NELL1: variants seen among roughly 807,000 people sequenced by gnomAD.
The protein encoded by NELL1 is protein kinase C-binding protein NELL1.
In NELL1, 76 loss-of-function variants were observed where a neutral mutation model predicts 107.4. That is an observed-to-expected ratio of 0.71 (90% CI 0.59 to 0.86). The LOEUF is 0.86. NELL1 is among the 40% of genes least tolerant of loss of function. The pLI is 0.00. For missense variants in NELL1, 1,024 were observed against 1,005.5 expected, an observed-to-expected ratio of 1.02 and a Z score of -0.25; for synonymous variants, 353 against 341.2, an observed-to-expected ratio of 1.03 and a Z score of -0.38.
At chr11:21,492,200 A>G (rs561049491) in intron 15 of NELL1, among the ~76,000 whole-genome samples, 42 of 152,248 alleles carry the variant, frequency 2.8e-4, no homozygotes, top group African/African-American at 8.9e-4. Context: ...GTGAGATACC[A>G]TCTCACACCA....
intron 2 of NELL1, among the ~76,000 whole-genome samples, chr11:20,723,387 A>G (rs1480220675): frequency 6.6e-6 from 1 of 152,180 alleles, no homozygotes; most frequent in Non-Finnish European, 1.5e-5. Flanking sequence ...CCCATTCCAA[A>G]TGGGAGACAT....
intron 2 of NELL1, among the ~76,000 whole-genome samples, chr11:20,693,481 G>A (rs943235065): frequency 3.3e-5 from 5 of 151,820 alleles, no homozygotes; most frequent in African/African-American, 9.7e-5. Context: ...GGGCAGGCCT[G>A]GGTTGACAAA....
At chr11:21,115,136 C>A (rs528446202) in intron 13 of NELL1, among the ~76,000 whole-genome samples, 2 of 151,904 alleles carry the variant, frequency 1.3e-5, no homozygotes, top group Non-Finnish European at 2.9e-5. Context: ...ATAGGATAGG[C>A]GCTCTGTCTG....
intron 13 of NELL1, among the ~76,000 whole-genome samples, chr11:21,157,231 T>G (rs1856263137): frequency 3.9e-5 from 6 of 151,964 alleles, no homozygotes; most frequent in Admixed American, 3.3e-4. Context: ...AACATCCCCA[T>G]GTATTTTTAA....
intron 15 of NELL1, among the ~76,000 whole-genome samples, chr11:21,434,742 A>G (rs540877740): frequency 2.0e-5 from 3 of 152,202 alleles, no homozygotes; most frequent in South Asian, 2.1e-4. Flanking sequence ...AAAGAATGTT[A>G]TTGGTATTTT....
chr11:21,170,973 C>A (rs4922775), intron 13 of NELL1, among the ~76,000 whole-genome samples: 68,087 of 151,318 alleles, frequency 0.45, 15,966 homozygotes, highest in Middle Eastern at 0.49. Flanking sequence ...ACATGGCAAG[C>A]TTTGGGCACA....
intron 9 of NELL1, among the ~76,000 whole-genome samples, chr11:20,935,326 A>G (rs945178966): frequency 2.0e-5 from 3 of 152,182 alleles, no homozygotes; most frequent in Non-Finnish European, 4.4e-5. Flanking sequence ...AGTCAGCCCT[A>G]AGCGGAAGCT....
chr11:21,424,136 TAAAGA>T (rs893826022), intron 15 of NELL1, among the ~76,000 whole-genome samples: 25 of 151,426 alleles, frequency 1.7e-4, no homozygotes, highest in Middle Eastern at 3.4e-3. Context: ...AAAAATAAAA[TAAAGA>T]ATAGAAAAGC....
At chr11:21,159,336 T>G (rs1473908114) in intron 13 of NELL1, among the ~76,000 whole-genome samples, 1 of 152,152 alleles carries the variant, frequency 6.6e-6, no homozygotes, top group South Asian at 2.1e-4. Context: ...TCATGATAAA[T>G]TTAAGCAGAA....
rs527580738 is a variant in NELL1, at chr11:21,430,043, C to T, written c.1645+59095C>T. 1.9e-3 allele frequency among the ~76,000 whole-genome samples: 284 copies of T among 152,262 alleles called. 1 individual carries two copies. The highest frequency in any genetic ancestry group is 6.8e-3 in the African/African-American group (281 of 41,546). On this transcript the variant is annotated intron_variant, in intron 15 of 19. Coordinates refer to ENST00000357134, the MANE Select transcript of NELL1 (RefSeq NM_006157.5). ...TCAGATACTTGTTATATGTTCACCT[C>T]TTTCATTCATTTCCACAGATATTAG... is the stretch of plus-strand genomic sequence containing the variant.
intron 12 of NELL1, among the ~76,000 whole-genome samples, chr11:21,069,654 A>T (rs372977220): frequency 6.6e-6 from 1 of 152,212 alleles, no homozygotes; most frequent in Non-Finnish European, 1.5e-5. Flanking sequence ...ATTTAAAATT[A>T]TGTTTAAAAT....
chr11:20,777,310 G>A (rs1564904855), intron 2 of NELL1, among the ~76,000 whole-genome samples: 1 of 152,230 alleles, frequency 6.6e-6, no homozygotes, highest in East Asian at 1.9e-4. Flanking sequence ...CATTAGCCCT[G>A]CCCTTGGCAC....
At chr11:21,378,947 G>A (rs551337572) in intron 15 of NELL1, among the ~76,000 whole-genome samples, 82 of 151,872 alleles carry the variant, frequency 5.4e-4, no homozygotes, top group African/African-American at 1.9e-3. Context: ...CAAACTCCTG[G>A]CCTAATGAGA....
chr11:21,265,490 T>C (rs1590786078), intron 14 of NELL1, among the ~76,000 whole-genome samples: 2 of 152,158 alleles, frequency 1.3e-5, no homozygotes, highest in East Asian at 3.9e-4. Flanking sequence ...TAAATAGTGA[T>C]GGCATGACAG....
At chr11:21,523,177 C>A (rs1318797745) in intron 15 of NELL1, among the ~76,000 whole-genome samples, 1 of 151,894 alleles carries the variant, frequency 6.6e-6, no homozygotes, top group Admixed American at 6.6e-5. Context: ...ACCAATATAG[C>A]TATTCTAGTT....
chr11:20,709,371 G>C (rs1855055625), intron 2 of NELL1, among the ~76,000 whole-genome samples: 1 of 151,990 alleles, frequency 6.6e-6, no homozygotes, highest in South Asian at 2.1e-4. Flanking sequence ...TTAATTTCTG[G>C]GTTCTCTATT....
At chr11:20,939,767 C>T (rs7939060) in intron 10 of NELL1, among the ~76,000 whole-genome samples, 93,588 of 151,924 alleles carry the variant, frequency 0.62, 31,038 homozygotes, top group Non-Finnish European at 0.74. Context: ...TAGGTGATGA[C>T]GAGATACTGG....
At chr11:20,985,915 G>T (rs1851843069) in intron 12 of NELL1, among the ~76,000 whole-genome samples, 2 of 152,212 alleles carry the variant, frequency 1.3e-5, no homozygotes, top group African/African-American at 4.8e-5. Context: ...TTTGGATTCA[G>T]AGCTAGGCTA....
intron 13 of NELL1, among the ~76,000 whole-genome samples, chr11:21,225,922 A>G (rs1448975719): frequency 6.6e-6 from 1 of 152,182 alleles, no homozygotes; most frequent in African/African-American, 2.4e-5. Context: ...TGAGGAATCT[A>G]AGACAGAGAG....
Sources: gnomAD v4.1 joint callset for allele counts (sites outside exome capture counted in the v4.1 genomes callset) on GRCh38, gnomAD v4.1.1 for gene constraint, MANE v1.5 for transcripts, NCBI Gene and HGNC (gene_info 2026-07-23, HGNC 2026-07-21) for gene names.